Variants in SLC22A4 observed in about 807,000 individuals in gnomAD.
SLC22A4 encodes solute carrier family 22 member 4.
SLC22A4 carries 39 observed loss-of-function variants against 56.6 expected under a neutral mutation model. That is an observed-to-expected ratio of 0.69 (90% CI 0.53 to 0.90). The LOEUF (loss-of-function observed/expected upper bound fraction) is 0.90. SLC22A4 is among the 40% of genes least tolerant of loss of function. The pLI is 0.00. For missense variants in SLC22A4, 594 were observed against 696.5 expected (o/e 0.85, Z 1.66); for synonymous variants, 241 against 281.4 (o/e 0.86, Z 1.44).
intron 9 of SLC22A4, among the ~76,000 whole-genome samples, chr5:132,341,216 G>T (rs34381066): frequency 6.6e-6 from 1 of 151,852 alleles, no homozygotes; most frequent in South Asian, 2.1e-4. Flanking sequence ...TCAAGAGATC[G>T]AGACCATCCT....
chr5:132,320,275 C>T (rs1750492740), intron 3 of SLC22A4, among the ~76,000 whole-genome samples: 1 of 152,208 alleles, frequency 6.6e-6, no homozygotes, highest in African/African-American at 2.4e-5. Context: ...CTCCTCTGGC[C>T]TCACAATTCT....
chr5:132,336,018 C>T lies in SLC22A4; in HGVS notation c.1444+18C>T. 1 of 1,609,638 alleles carries T rather than the reference C, an allele frequency of 6.2e-7. No homozygotes were observed. The highest frequency in any genetic ancestry group is 8.5e-7 in the Non-Finnish European group (1 of 1,175,940). Reference sequence around the variant, plus strand: ...TTACCTCGGTGAGCTGCATCTTGTGCATTTGTTCTTCCTTTAAATTAGTTT... The same window carrying T: ...TTACCTCGGTGAGCTGCATCTTGTGTATTTGTTCTTCCTTTAAATTAGTTT... On this transcript the variant is annotated intron_variant, in intron 8 of 9. Transcript: ENST00000200652.
rs4646203 is a variant in SLC22A4, at chr5:132,340,063, G to GTT, written c.1445-477_1445-476dup. Among the ~76,000 whole-genome samples, 137 of 94,874 alleles carry GTT rather than the reference G, an allele frequency of 1.4e-3. 6 individuals carry two copies. The highest frequency in any genetic ancestry group is 4.1e-3 in the African/African-American group (103 of 24,972). The allele number at this position is 94,874 out of a possible 152,430, so 62.2% of individuals were successfully genotyped here. A position where few individuals can be genotyped will look rare whatever the true frequency, so the allele number is the denominator to read the frequency against. On this transcript the variant is annotated intron_variant, in intron 8 of 9. Transcript: ENST00000200652. ...TCTGAAGTGAACATAATACTTAGTTGTTTTTTTTTTTTTTTTTTTTTTTTT... is the reference window on the plus strand; with the variant it reads ...TCTGAAGTGAACATAATACTTAGTTGTTTTTTTTTTTTTTTTTTTTTTTTTTT...
chr5:132,337,747 T>C (rs1386620016), intron 8 of SLC22A4, among the ~76,000 whole-genome samples: 2 of 151,828 alleles, frequency 1.3e-5, no homozygotes, highest in Non-Finnish European at 2.9e-5. Context: ...CCCTTTTTTT[T>C]TTTTTGGAGA....
chr5:132,296,390 A>G (rs1345325371), intron 1 of SLC22A4, among the ~76,000 whole-genome samples: 1 of 152,244 alleles, frequency 6.6e-6, no homozygotes, highest in Non-Finnish European at 1.5e-5. Context: ...AGAAAATAGT[A>G]AGCATTCTAA....
chr5:132,323,455 G>A (rs1279609928), intron 4 of SLC22A4, among the ~76,000 whole-genome samples: 2 of 152,234 alleles, frequency 1.3e-5, no homozygotes, highest in African/African-American at 2.4e-5. Context: ...CTCATGACCT[G>A]TAAGAGTGCT....
intron 1 of SLC22A4, among the ~76,000 whole-genome samples, chr5:132,300,816 C>T (rs1252583629): frequency 2.0e-5 from 3 of 152,182 alleles, no homozygotes; most frequent in Non-Finnish European, 4.4e-5. Flanking sequence ...AGCAGTTGAG[C>T]AGGAACGCAA....
chr5:132,308,372 ATTTTTTTTTTTTTTTTTTTTTTTTTT>A (rs56259514), intron 1 of SLC22A4, among the ~76,000 whole-genome samples: 1 of 61,300 alleles, frequency 1.6e-5, no homozygotes, highest in East Asian at 3.7e-4. Context: ...TGATTAAGCA[ATTTTTTTTTTTTTTTTTTTTTTTTTT>A]TTTTTTTTTT....
At chr5:132,336,172 G>A (rs1002034069) in intron 8 of SLC22A4, among the ~76,000 whole-genome samples, 172 bp downstream of exon 8, 19 of 150,458 alleles carry the variant, frequency 1.3e-4, no homozygotes, top group African/African-American at 4.1e-4. Flanking sequence ...GGTGAGTAGC[G>A]CTACAGACAT....
At chr5:132,325,466 A>C in intron 4 of SLC22A4, among the ~76,000 whole-genome samples, 1 of 152,176 alleles carries the variant, frequency 6.6e-6, no homozygotes, top group East Asian at 1.9e-4. Context: ...ACATTATTGT[A>C]GTTCCTATAG....
At chr5:132,304,688 A>G (rs540945060) in intron 1 of SLC22A4, among the ~76,000 whole-genome samples, 1 of 152,282 alleles carries the variant, frequency 6.6e-6, no homozygotes, top group African/African-American at 2.4e-5. Flanking sequence ...TCTACAATAT[A>G]TTATCTAAAA....
intron 3 of SLC22A4, among the ~76,000 whole-genome samples, chr5:132,317,656 TA>T (rs2126717199): frequency 6.6e-6 from 1 of 152,338 alleles, no homozygotes; most frequent in East Asian, 1.9e-4. Flanking sequence ...CTCTTGGGTA[TA>T]AGGTAGGACC....
chr5:132,313,940 G>A (rs1041039500), intron 3 of SLC22A4, among the ~76,000 whole-genome samples, 172 bp downstream of exon 3: 1 of 152,192 alleles, frequency 6.6e-6, no homozygotes, highest in Non-Finnish European at 1.5e-5. Flanking sequence ...GCAGGCACTC[G>A]CAGGGAGCCA....
rs781209544 is a variant in SLC22A4, at chr5:132,334,790, C to T, written c.1119C>T (p.Asn373=). 3 of 1,613,920 alleles carry T rather than the reference C, an allele frequency of 1.9e-6. No homozygotes were observed. The highest frequency in any genetic ancestry group is 2.7e-5 in the African/African-American group (2 of 74,902). Residue 373 remains asparagine (N), a synonymous_variant, in exon 7 of 10, where the codon AAC becomes AAT. Transcript: ENST00000200652. ...ATTTACATGGAGATGCCTACCTGAA[C>T]TGTTTCCTCTCTGCCTTGATTGAAA... The part of the protein sequence containing the change: ...APNLHGDAYL[N]CFLSALIEIP...
At chr5:132,338,316 G>T (rs531870518) in intron 8 of SLC22A4, among the ~76,000 whole-genome samples, 1 of 152,038 alleles carries the variant, frequency 6.6e-6, no homozygotes, top group Non-Finnish European at 1.5e-5. Context: ...CAGAGATCAC[G>T]TGCTTCACAA....
At position 132,336,186 on chromosome 5, in the gene SLC22A4, G is replaced by C. The variant is rs932974531; in HGVS notation, c.1444+186G>C. Among the ~76,000 whole-genome samples, 4 of 152,092 alleles carry C rather than the reference G, an allele frequency of 2.6e-5. No individual in the cohort carries two copies. In the East Asian group the frequency reaches 7.7e-4, roughly 29 times the overall value. Reference sequence around the variant, plus strand: ...TGGTGAGTAGCGCTACAGACATTTTGTTTTGCACAACATCATGTACACAGG... The same window carrying C: ...TGGTGAGTAGCGCTACAGACATTTTCTTTTGCACAACATCATGTACACAGG... On this transcript the variant is annotated intron_variant, in intron 8 of 9. Coordinates refer to ENST00000200652, the MANE Select transcript of SLC22A4 (RefSeq NM_003059.3).
chr5:132,315,713 C>T (rs1357240183), intron 3 of SLC22A4, among the ~76,000 whole-genome samples: 1 of 152,172 alleles, frequency 6.6e-6, no homozygotes, highest in Non-Finnish European at 1.5e-5. Flanking sequence ...GCAGCAGCCT[C>T]GCTATCAGCT....
chr5:132,323,954 AG>A lies in SLC22A4; in HGVS notation c.824+1601del, dbSNP rs756856177. Among the ~76,000 whole-genome samples the A allele has an allele frequency of 1.3e-4, 20 of 152,312 alleles. 1 individual carries two copies. Among genetic ancestry groups the A allele is most frequent in the Admixed American group, 5.9e-4 (9 of 15,304 alleles). The stretch of plus-strand genomic sequence containing the variant: ...ACACCTGTAATCCCAGCACTTTGGG[AG>A]GCCAAGGTGGGAGGATCACTTTAGC... On this transcript the variant is annotated intron_variant, in intron 4 of 9. Coordinates refer to ENST00000200652, the MANE Select transcript of SLC22A4 (RefSeq NM_003059.3).
chr5:132,331,691 C>G, intron 5 of SLC22A4, 65 bp from the exon 6 acceptor site: 1 of 1,159,662 alleles, frequency 8.6e-7, no homozygotes, highest in South Asian at 1.2e-5. Context: ...CCCCATGCAT[C>G]ATAGCCAAAG....
Sources: allele counts gnomAD v4.1 joint callset (sites outside exome capture counted in the v4.1 genomes callset), GRCh38; gene constraint gnomAD v4.1.1; transcripts MANE v1.5; gene names NCBI Gene and HGNC (gene_info 2026-07-23, HGNC 2026-07-21).